Variants in ZNF81 observed in about 807,000 individuals in gnomAD.
ZNF81 encodes zinc finger protein 81.
ZNF81 carries 5 observed loss-of-function variants against 32.3 expected under a neutral mutation model. The observed-to-expected ratio is 0.15, with a 90% CI of 0.08 to 0.33. ZNF81 has a LOEUF of 0.33. Ranked by LOEUF, ZNF81 falls within the 10% of genes least tolerant of loss-of-function variation. The pLI is 1.00. For missense variants in ZNF81, 379 were observed against 479.8 expected (o/e 0.79, Z 1.96); for synonymous variants, 163 against 166.8 (o/e 0.98, Z 0.17).
chrX:47,896,966 C>G (rs1427467082), intron 4 of ZNF81, among the ~76,000 whole-genome samples: 1 of 112,173 alleles, frequency 8.9e-6, no homozygotes, highest in African/African-American at 3.2e-5. Context: ...TATTACTATT[C>G]ATTAATCTCT....
In ZNF81 at chrX:47,887,981, A is replaced by C. The variant is rs1203402759; in HGVS notation, c.55-18A>C. ...CAGTGCTGATCATGTTGCCTTGAAC[A>C]AGATTGTGTTGTTACAGGTATCAGT... On this transcript the variant is annotated intron_variant, in intron 2 of 4. Transcript: ENST00000338637. 1 of 1,211,632 alleles carries C rather than the reference A, an allele frequency of 8.3e-7. No homozygotes were observed. The highest frequency in any genetic ancestry group is 1.1e-6 in the Non-Finnish European group (1 of 895,478).
chrX:47,886,868 C>T (rs1188513618), intron 2 of ZNF81, among the ~76,000 whole-genome samples: 5 of 111,564 alleles, frequency 4.5e-5, no homozygotes, highest in Non-Finnish European at 7.5e-5. Context: ...ACTTGGGTTG[C>T]TCCTTAGTAT....
In ZNF81 at chrX:47,915,090, A is replaced by T. The variant is rs1556890406; in HGVS notation, c.444A>T (p.Lys148Asn). 3 of 1,207,077 alleles carry T rather than the reference A, an allele frequency of 2.5e-6. No homozygotes were observed. The African/African-American group carries it at 5.3e-5, about 21-fold the overall frequency. ...QIKRCQEKHN[K>N]LLSRTTFLNK... is the part of the protein sequence containing the mutation. Reference sequence around the variant, plus strand: ...AGAGATGTCAGGAAAAACACAACAAACTTCTGAGTCGCACTACTTTCCTCA... The same window carrying T: ...AGAGATGTCAGGAAAAACACAACAATCTTCTGAGTCGCACTACTTTCCTCA... The change falls in exon 5 of 5, where the codon AAA (lysine) becomes AAT (asparagine). Residue 148 changes from lysine (K) to asparagine (N), a missense_variant. Around this residue, in one of 2 missense-constraint regions of ZNF81, gnomAD observed 277 missense variants for 306.6 expected, o/e 0.90. Transcript: ENST00000338637.
rs1266223443 is a variant in ZNF81 at position 47,923,712 on chromosome X, A to T, written c.*7080A>T. On this transcript the variant is annotated 3_prime_UTR_variant, in exon 5 of 5. Coordinates refer to ENST00000338637, the MANE Select transcript of ZNF81 (RefSeq NM_007137.5). ...TCATAGAAAAATATCAAGCCATTGGACTAGATTATTCTGTCGTTTGGGTTA... is the reference window on the plus strand; with the variant it reads ...TCATAGAAAAATATCAAGCCATTGGTCTAGATTATTCTGTCGTTTGGGTTA... Among the ~76,000 whole-genome samples the T allele has an allele frequency of 8.9e-6, 1 of 112,022 alleles. No individual in the cohort carries two copies. Among genetic ancestry groups the T allele is most frequent in the Non-Finnish European group, 1.9e-5 (1 of 53,214 alleles).
rs185756960 is a variant in ZNF81 at position 47,848,433 on chromosome X, T to G, written c.54+2112T>G. ...AAAACTTTATCTTCCAAATCTTCTT[T>G]TGTGTCTCTCATTAATGCTGTTATA... On this transcript the variant is annotated intron_variant, in intron 2 of 4. Transcript: ENST00000338637. Among the ~76,000 whole-genome samples the G allele has an allele frequency of 3.5e-4, 39 of 112,252 alleles. No homozygotes were observed. The Admixed American group carries it at 3.6e-3, about 10-fold the overall frequency.
intron 1 of ZNF81, among the ~76,000 whole-genome samples, chrX:47,840,129 T>C (rs1164890794): frequency 3.7e-4 from 10 of 27,306 alleles, no homozygotes; most frequent in Admixed American, 4.9e-4. Context: ...TTCTCTCTCT[T>C]TTTTTTTTTT....
chrX:47,890,832 T>C (rs1556886381), intron 3 of ZNF81, among the ~76,000 whole-genome samples: 2 of 112,263 alleles, frequency 1.8e-5, no homozygotes, highest in African/African-American at 6.5e-5. Flanking sequence ...CAATTTTTGC[T>C]TCACCTTAGA....
At chrX:47,901,928 T>C (rs2148036495) in intron 4 of ZNF81, among the ~76,000 whole-genome samples, 1 of 111,898 alleles carries the variant, frequency 8.9e-6, no homozygotes, top group South Asian at 3.7e-4. Context: ...TGTGATTTTG[T>C]ATAAGATTAC....
chrX:47,865,621 C>A (rs782241047), intron 2 of ZNF81, among the ~76,000 whole-genome samples: 1 of 111,226 alleles, frequency 9.0e-6, no homozygotes, highest in South Asian at 3.8e-4. Flanking sequence ...TGGGTTGGGC[C>A]CCACTCAAAG....
chrX:47,869,379 C>T (rs1230696855), intron 2 of ZNF81, among the ~76,000 whole-genome samples: 1 of 111,599 alleles, frequency 9.0e-6, no homozygotes, highest in East Asian at 2.8e-4. Flanking sequence ...GGCGTGGGCA[C>T]AGGACATGGT....
At chrX:47,913,636 C>T (rs1157568938) in intron 4 of ZNF81, among the ~76,000 whole-genome samples, 1 of 112,061 alleles carries the variant, frequency 8.9e-6, no homozygotes, top group Non-Finnish European at 1.9e-5. Flanking sequence ...CCATGAAAGA[C>T]AGTAATAGGA....
intron 2 of ZNF81, among the ~76,000 whole-genome samples, chrX:47,850,365 A>G (rs1035282820): frequency 9.3e-6 from 1 of 107,339 alleles, no homozygotes; most frequent in East Asian, 2.9e-4. Flanking sequence ...AAAAAAAAAA[A>G]GAAAGAAAAA....
At chrX:47,896,209 C>T (rs186662217) in intron 4 of ZNF81, among the ~76,000 whole-genome samples, 13 of 111,290 alleles carry the variant, frequency 1.2e-4, no homozygotes, top group Admixed American at 2.9e-4. Context: ...TCCTCACTAG[C>T]GGTCTTGCTT....
In ZNF81 at chrX:47,850,930, CACACAA is replaced by C. The variant is rs1556881148; in HGVS notation, c.54+4610_54+4615del. ...ACACACACACACACACACACACACA[CACACAA>C]CCCAACACCCCTATATCCATTTTTA... On this transcript the variant is annotated intron_variant, in intron 2 of 4. Transcript: ENST00000338637. Among the ~76,000 whole-genome samples, 168 of 46,802 alleles carry C rather than the reference CACACAA, an allele frequency of 3.6e-3. 4 individuals carry two copies. The highest frequency in any genetic ancestry group is 7.9e-3 in the African/African-American group (148 of 18,680). The allele number at this position is 46,802 out of a possible 115,157, so 40.6% of individuals were successfully genotyped here.
chrX:47,895,549 C>G (rs782702501), intron 3 of ZNF81, among the ~76,000 whole-genome samples: 13 of 111,571 alleles, frequency 1.2e-4, no homozygotes, highest in Non-Finnish European at 2.3e-4. Context: ...GATTTCCAGC[C>G]TTTAGACATA....
chrX:47,902,746 G>C (rs970127928), intron 4 of ZNF81, among the ~76,000 whole-genome samples: 22 of 112,047 alleles, frequency 2.0e-4, no homozygotes, highest in African/African-American at 4.9e-4. Context: ...TGAAGTGATA[G>C]TGAAAATCGA....
chrX:47,864,400 C>T (rs1284422544), intron 2 of ZNF81, among the ~76,000 whole-genome samples: 1 of 111,930 alleles, frequency 8.9e-6, no homozygotes, highest in Admixed American at 9.5e-5. Context: ...CAGATTGAAA[C>T]AGCACCACTT....
At chrX:47,865,506 TACAA>T (rs782538256) in intron 2 of ZNF81, among the ~76,000 whole-genome samples, 15 of 112,063 alleles carry the variant, frequency 1.3e-4, no homozygotes, top group Non-Finnish European at 5.6e-5. Context: ...AATCACCAGT[TACAA>T]ACACTAGTAG....
chrX:47,837,454 T>A (rs1002151513), intron 1 of ZNF81, among the ~76,000 whole-genome samples: 1 of 112,359 alleles, frequency 8.9e-6, no homozygotes, highest in Non-Finnish European at 1.9e-5. Context: ...TTCTATTACT[T>A]CGAGGAGAGA....
Sources: gnomAD v4.1 joint callset for allele counts (sites outside exome capture counted in the v4.1 genomes callset) on GRCh38, gnomAD v4.1.1 for gene constraint, gnomAD v4.1.1 regional missense constraint, MANE v1.5 for transcripts, NCBI Gene and HGNC (gene_info 2026-07-23, HGNC 2026-07-21) for gene names.